PCDH9: variants seen among roughly 807,000 people sequenced by gnomAD.
The protein encoded by PCDH9 is protocadherin 9.
In PCDH9, 24 loss-of-function variants were observed where a neutral mutation model predicts 70.6. The observed-to-expected ratio is 0.34, with a 90% CI of 0.25 to 0.48. The LOEUF is 0.48. Among genes scored for constraint, PCDH9 ranks in the 20% least tolerant of loss-of-function variants. The pLI, the probability that PCDH9 is intolerant of heterozygous loss-of-function variation, is 0.99. For synonymous variants in PCDH9, 562 were observed against 558.5 expected, an observed-to-expected ratio of 1.01 and a Z score of -0.09; for missense variants, 1,281 against 1,503.6, an observed-to-expected ratio of 0.85 and a Z score of 2.45.
intron 4 of PCDH9, among the ~76,000 whole-genome samples, chr13:66,561,165 G>A (rs889115121): frequency 1.3e-5 from 2 of 152,206 alleles, no homozygotes; most frequent in African/African-American, 2.4e-5. Context: ...CGGAGCGGCC[G>A]GCTGGCCCCG....
chr13:66,362,593 C>T (rs1003005005), intron 4 of PCDH9, among the ~76,000 whole-genome samples: 2 of 152,018 alleles, frequency 1.3e-5, no homozygotes, highest in Admixed American at 1.3e-4. Flanking sequence ...AAAATGATTA[C>T]TCTCTGAGAA....
At chr13:66,937,914 A>T (rs2082943638) in intron 2 of PCDH9, among the ~76,000 whole-genome samples, 1 of 152,154 alleles carries the variant, frequency 6.6e-6, no homozygotes, top group South Asian at 2.1e-4. Flanking sequence ...CCAATTCACG[A>T]ATCATTCATT....
chr13:66,311,777 T>A (rs925741588), intron 4 of PCDH9, among the ~76,000 whole-genome samples: 6 of 152,160 alleles, frequency 3.9e-5, no homozygotes, highest in African/African-American at 1.4e-4. Context: ...TGTCATACAA[T>A]AATAAATAGA....
intron 2 of PCDH9, among the ~76,000 whole-genome samples, chr13:66,924,620 A>C (rs1003689480): frequency 5.4e-5 from 8 of 148,108 alleles, no homozygotes; most frequent in African/African-American, 1.2e-4. Flanking sequence ...TAATCTGCAA[A>C]TGTATATAAT....
intron 2 of PCDH9, among the ~76,000 whole-genome samples, chr13:66,972,546 C>A (rs916781849): frequency 6.6e-6 from 1 of 151,860 alleles, no homozygotes; most frequent in Admixed American, 6.6e-5. Context: ...ATGACTTTTG[C>A]TATTCTCCTC....
intron 3 of PCDH9, among the ~76,000 whole-genome samples, chr13:66,898,082 C>T (rs2082212397): frequency 6.6e-6 from 1 of 151,868 alleles, no homozygotes; most frequent in African/African-American, 2.4e-5. Flanking sequence ...AGTGAGTGAG[C>T]CAGACTGATG....
intron 2 of PCDH9, among the ~76,000 whole-genome samples, chr13:67,138,657 C>T (rs2138350308): frequency 6.6e-6 from 1 of 152,310 alleles, no homozygotes; most frequent in Non-Finnish European, 1.5e-5. Context: ...GCCTTTTGAG[C>T]TCCTATGCTC....
intron 2 of PCDH9, among the ~76,000 whole-genome samples, chr13:67,141,159 C>T (rs549505114): frequency 3.3e-5 from 5 of 152,104 alleles, no homozygotes; most frequent in Non-Finnish European, 7.4e-5. Flanking sequence ...TTCCAAAAAG[C>T]CTTACGATAG....
intron 2 of PCDH9, among the ~76,000 whole-genome samples, chr13:67,013,602 C>T (rs2084496902): frequency 1.3e-5 from 2 of 151,812 alleles, no homozygotes; most frequent in Non-Finnish European, 2.9e-5. Flanking sequence ...CATTGAAACT[C>T]ATGCTTCATG....
chr13:66,971,393 T>TA (rs1479337755), intron 2 of PCDH9, among the ~76,000 whole-genome samples: 2 of 152,202 alleles, frequency 1.3e-5, no homozygotes, highest in African/African-American at 4.8e-5. Flanking sequence ...GATTTGTCCT[T>TA]AAAAATCCCT....
At chr13:67,174,956 T>C (rs1349465536) in intron 2 of PCDH9, among the ~76,000 whole-genome samples, 1 of 81,360 alleles carries the variant, frequency 1.2e-5, no homozygotes, top group East Asian at 3.4e-4. Flanking sequence ...TGAGACCTCA[T>C]CTCTACCAAA....
intron 2 of PCDH9, among the ~76,000 whole-genome samples, chr13:67,164,462 C>T (rs1286352189): frequency 6.6e-6 from 1 of 151,520 alleles, no homozygotes; most frequent in Non-Finnish European, 1.5e-5. Flanking sequence ...ATAATCCCAG[C>T]TACTTGGGAG....
intron 2 of PCDH9, among the ~76,000 whole-genome samples, chr13:67,124,180 G>A (rs2086931312): frequency 6.6e-6 from 1 of 152,138 alleles, no homozygotes. Context: ...GTCATAGGTA[G>A]TATGCTATAC....
intron 2 of PCDH9, among the ~76,000 whole-genome samples, chr13:66,939,619 TAG>T (rs1486551727): frequency 4.6e-5 from 7 of 152,066 alleles, no homozygotes; most frequent in African/African-American, 1.7e-4. Flanking sequence ...GTATTTTTAG[TAG>T]AGACACGGCT....
intron 4 of PCDH9, among the ~76,000 whole-genome samples, chr13:66,388,425 A>AT (rs1483083137): frequency 7.2e-5 from 11 of 152,088 alleles, no homozygotes; most frequent in African/African-American, 2.4e-4. Context: ...AGTATTTATG[A>AT]TTTTTACCAA....
chr13:67,103,901 G>C (rs1318333648), intron 2 of PCDH9, among the ~76,000 whole-genome samples: 1 of 152,112 alleles, frequency 6.6e-6, no homozygotes, highest in Non-Finnish European at 1.5e-5. Context: ...TTTGAATCTA[G>C]TTGCAAAGAG....
intron 3 of PCDH9, among the ~76,000 whole-genome samples, chr13:66,654,356 T>C (rs1281965972): frequency 6.6e-6 from 1 of 151,950 alleles, no homozygotes; most frequent in Non-Finnish European, 1.5e-5. Context: ...GGATGGTTAA[T>C]GGGTACAAAA....
intron 3 of PCDH9, among the ~76,000 whole-genome samples, chr13:66,842,147 T>G (rs938751648): frequency 3.3e-5 from 5 of 152,302 alleles, no homozygotes; most frequent in African/African-American, 1.2e-4. Flanking sequence ...TCATTTAACT[T>G]CATAATTTAA....
At chr13:66,400,745 T>G (rs997917546) in intron 4 of PCDH9, among the ~76,000 whole-genome samples, 22 of 151,988 alleles carry the variant, frequency 1.4e-4, no homozygotes, top group Non-Finnish European at 2.5e-4. Flanking sequence ...AAATGCACAG[T>G]TTTTTTTAAC....
Sources: gnomAD v4.1 joint callset for allele counts (sites outside exome capture counted in the v4.1 genomes callset) on GRCh38, gnomAD v4.1.1 for gene constraint, MANE v1.5 for transcripts, NCBI Gene and HGNC (gene_info 2026-07-23, HGNC 2026-07-21) for gene names.